The following RAD9B variants were observed in gnomAD, a reference collection of about 807,000 sequenced individuals.
The protein encoded by RAD9B is RAD9 checkpoint clamp component B, also known as cell cycle checkpoint control protein RAD9B.
In RAD9B, 41 loss-of-function variants were observed where a neutral mutation model predicts 48.3. The observed-to-expected ratio is 0.85, with a 90% CI of 0.66 to 1.10. The LOEUF (loss-of-function observed/expected upper bound fraction) is 1.10. RAD9B is among the 50% of genes least tolerant of loss of function. The pLI is 0.00. For synonymous variants in RAD9B, 160 were observed against 157.9 expected, an observed-to-expected ratio of 1.01 and a Z score of -0.10; for missense variants, 444 against 485.1, an observed-to-expected ratio of 0.92 and a Z score of 0.80.
At chr12:110,505,885 A>G in intron 3 of RAD9B, 113 bp downstream of exon 3, 1 of 763,292 alleles carries the variant, frequency 1.3e-6, no homozygotes, top group Non-Finnish European at 1.9e-6. Context: ...AAATCTGTTC[A>G]TTATTATTAT....
At chr12:110,513,626 C>T (rs904369001) in intron 5 of RAD9B, among the ~76,000 whole-genome samples, 1 of 151,278 alleles carries the variant, frequency 6.6e-6, no homozygotes, top group Non-Finnish European at 1.5e-5. Flanking sequence ...TTCAGTTCAG[C>T]TGTAGCATTA....
chr12:110,519,977 A>G (rs2063725960), intron 9 of RAD9B, 61 bp downstream of exon 9: 1 of 1,537,386 alleles, frequency 6.5e-7, no homozygotes, highest in Non-Finnish European at 8.8e-7. Context: ...TTATTTTGAA[A>G]TAATTCACTT....
intron 6 of RAD9B, among the ~76,000 whole-genome samples, chr12:110,515,517 T>C (rs1157050290): frequency 1.3e-5 from 2 of 152,010 alleles, no homozygotes; most frequent in East Asian, 1.9e-4. Flanking sequence ...AAAAATTAGC[T>C]GGGTGTGGTG....
intron 1 of RAD9B, 139 bp downstream of exon 1, chr12:110,502,522 C>A: frequency 1.1e-6 from 1 of 920,848 alleles, no homozygotes. Context: ...CAGCCCCACC[C>A]ACTCAAGTCC....
intron 6 of RAD9B, 68 bp downstream of exon 6, chr12:110,515,224 C>A: frequency 1.3e-6 from 1 of 773,690 alleles, no homozygotes; most frequent in Non-Finnish European, 2.2e-6. Context: ...ACTAACCATA[C>A]TGCAAATATT....
intron 4 of RAD9B, among the ~76,000 whole-genome samples, chr12:110,507,628 T>C (rs2063338386): frequency 6.8e-6 from 1 of 147,100 alleles, no homozygotes; most frequent in Non-Finnish European, 1.5e-5. Context: ...TAATATTATA[T>C]ACATAATGTA....
chr12:110,506,165 C>T (rs1217876082), intron 3 of RAD9B, among the ~76,000 whole-genome samples: 1 of 151,142 alleles, frequency 6.6e-6, no homozygotes, highest in Non-Finnish European at 1.5e-5. Context: ...GGATTACAGG[C>T]GTGAGCCAGT....
intron 5 of RAD9B, among the ~76,000 whole-genome samples, chr12:110,513,420 G>T (rs2063520592): frequency 6.6e-6 from 1 of 151,926 alleles, no homozygotes; most frequent in South Asian, 2.1e-4. Flanking sequence ...CCCCATCAGT[G>T]GCTTTCTATA....
chr12:110,502,433 T>G, intron 1 of RAD9B, 50 bp downstream of exon 1: 2 of 1,596,578 alleles, frequency 1.3e-6, no homozygotes, highest in Non-Finnish European at 1.7e-6. Flanking sequence ...AAAGCAGACG[T>G]TAATAGGTCG....
intron 3 of RAD9B, among the ~76,000 whole-genome samples, chr12:110,506,314 G>A (rs879291214): frequency 1.3e-4 from 19 of 151,582 alleles, no homozygotes; most frequent in East Asian, 7.8e-4. Context: ...TCAGCCTCCC[G>A]AGTAGCTGGG....
intron 1 of RAD9B, chr12:110,502,614 G>C (rs2063116943): frequency 3.6e-6 from 2 of 553,668 alleles, no homozygotes; most frequent in Non-Finnish European, 6.4e-6. Context: ...CCGGGAAATA[G>C]AGTTGTACCA....
At chr12:110,530,116 CACT>C (rs1346487595) in intron 10 of RAD9B, among the ~76,000 whole-genome samples, 1 of 152,276 alleles carries the variant, frequency 6.6e-6, no homozygotes, top group African/African-American at 2.4e-5. Context: ...GATCTCGGCT[CACT>C]GCAAGCTCCG....
intron 3 of RAD9B, among the ~76,000 whole-genome samples, chr12:110,506,093 C>T (rs1008344587): frequency 3.3e-5 from 5 of 151,990 alleles, no homozygotes; most frequent in Non-Finnish European, 7.4e-5. Flanking sequence ...GCCATGTTGG[C>T]CAGGCTGGTC....
intron 6 of RAD9B, 150 bp from the exon 7 acceptor site, chr12:110,518,526 A>C: frequency 3.9e-6 from 2 of 512,344 alleles, no homozygotes; most frequent in Non-Finnish European, 3.5e-6. Flanking sequence ...AAGGCATTTA[A>C]AAATAGCATG....
chr12:110,517,103 G>A (rs2063621403), intron 6 of RAD9B, among the ~76,000 whole-genome samples: 1 of 152,126 alleles, frequency 6.6e-6, no homozygotes, highest in African/African-American at 2.4e-5. Flanking sequence ...TTGGGAGGCT[G>A]AGGCAGGATT....
intron 3 of RAD9B, among the ~76,000 whole-genome samples, chr12:110,506,051 A>G (rs558481762): frequency 1.3e-5 from 2 of 151,748 alleles, no homozygotes; most frequent in South Asian, 4.2e-4. Context: ...TGCCTGGCTA[A>G]TTTTTGTGTT....
Position 110,505,636 on chromosome 12 carries a change from A to T in RAD9B, c.137A>T (p.Asn46Ile), listed in dbSNP as rs1565876256. 4 of 1,559,094 alleles carry T rather than the reference A, an allele frequency of 2.6e-6. No individual in the cohort carries two copies. The South Asian group carries it at 4.7e-5, about 18-fold the overall frequency. Residue 46 changes from asparagine (N) to isoleucine (I), a missense_variant, in exon 3 of 11, where the codon AAT becomes ATT. Coordinates refer to ENST00000409300, the MANE Select transcript of RAD9B (RefSeq NM_001286535.2). ...SKKGLALRCV[N>I]SSRSAYGCVL... ...TTCTAGCTTGCTCTAAGATGTGTGA[A>T]TTCTTCTCGGTCAGCATATGGATGT...
chr12:110,512,532 G>A (rs867205500), intron 4 of RAD9B, among the ~76,000 whole-genome samples: 3 of 152,132 alleles, frequency 2.0e-5, no homozygotes, highest in Non-Finnish European at 4.4e-5. Flanking sequence ...GAAGGAAACT[G>A]CTTGTATTTC....
intron 8 of RAD9B, among the ~76,000 whole-genome samples, chr12:110,519,248 CG>C (rs1668159271): frequency 6.6e-6 from 1 of 151,966 alleles, no homozygotes; most frequent in African/African-American, 2.4e-5. Flanking sequence ...GGATTACGGG[CG>C]TCTACCACCA....
Sources: gnomAD v4.1 joint callset for allele counts (sites outside exome capture counted in the v4.1 genomes callset) on GRCh38, gnomAD v4.1.1 for gene constraint, MANE v1.5 for transcripts, NCBI Gene and HGNC (gene_info 2026-07-23, HGNC 2026-07-21) for gene names.